Variants in ZBTB7C observed in about 807,000 individuals in gnomAD.
ZBTB7C encodes the protein zinc finger and BTB domain containing 7C, also known as zinc finger and BTB domain-containing protein 7C.
In ZBTB7C, 8 loss-of-function variants were observed where a neutral mutation model predicts 25.7. The ratio of observed to expected loss-of-function variants is 0.31; its 90% CI spans 0.18 to 0.56. ZBTB7C has a LOEUF of 0.56. Among genes scored for constraint, ZBTB7C ranks in the 20% least tolerant of loss-of-function variants. ZBTB7C has a pLI of 0.91. For missense variants in ZBTB7C, 824 were observed against 855.2 expected (o/e 0.96, Z 0.46); for synonymous variants, 394 against 369.0 (o/e 1.07, Z -0.78).
At chr18:48,263,550 C>A (rs190753262) in intron 2 of ZBTB7C, among the ~76,000 whole-genome samples, 2 of 152,064 alleles carry the variant, frequency 1.3e-5, no homozygotes, top group African/African-American at 4.8e-5. Flanking sequence ...TCTGGTGTCC[C>A]GAAAATGACC....
chr18:48,069,185 C>T (rs11664019), intron 3 of ZBTB7C, among the ~76,000 whole-genome samples: 84,629 of 151,974 alleles, frequency 0.56, 24,187 homozygotes, highest in Non-Finnish European at 0.61. Context: ...GCATACTGTC[C>T]CACAGTCACT....
At chr18:48,376,541 C>T (rs932584509) in intron 1 of ZBTB7C, among the ~76,000 whole-genome samples, 3 of 152,208 alleles carry the variant, frequency 2.0e-5, no homozygotes, top group African/African-American at 7.2e-5. Flanking sequence ...GTCACTCAGC[C>T]GGTGACATTC....
At chr18:48,183,012 T>C (rs560855084) in intron 3 of ZBTB7C, among the ~76,000 whole-genome samples, 1 of 152,324 alleles carries the variant, frequency 6.6e-6, no homozygotes, top group Admixed American at 6.5e-5. Context: ...AAAAATAATT[T>C]ATTATTTGCA....
At chr18:48,236,010 C>T (rs1237632250) in intron 2 of ZBTB7C, among the ~76,000 whole-genome samples, 1 of 152,108 alleles carries the variant, frequency 6.6e-6, no homozygotes, top group Non-Finnish European at 1.5e-5. Context: ...CTTTAAAGAT[C>T]ACCTCTTTCT....
At chr18:48,322,784 T>C (rs900578963) in intron 2 of ZBTB7C, among the ~76,000 whole-genome samples, 4 of 152,168 alleles carry the variant, frequency 2.6e-5, no homozygotes, top group Non-Finnish European at 5.9e-5. Context: ...TGCAAAAATG[T>C]GGAACCAACC....
intron 3 of ZBTB7C, 27 bp from the exon 4 acceptor site, chr18:48,041,150 T>A: frequency 6.4e-7 from 1 of 1,551,328 alleles, no homozygotes; most frequent in Non-Finnish European, 8.7e-7. Flanking sequence ...AGAAGAAGAC[T>A]GGGTTAGTGA....
At chr18:48,243,698 A>G (rs2043596105) in intron 2 of ZBTB7C, among the ~76,000 whole-genome samples, 1 of 152,240 alleles carries the variant, frequency 6.6e-6, no homozygotes, top group African/African-American at 2.4e-5. Context: ...TGGAACTAAA[A>G]AAGAGCTCAC....
intron 2 of ZBTB7C, among the ~76,000 whole-genome samples, chr18:48,299,637 C>T (rs533790908): frequency 6.6e-6 from 1 of 152,276 alleles, no homozygotes; most frequent in African/African-American, 2.4e-5. Context: ...GGACAAAAAC[C>T]AGTTCCCAGA....
chr18:48,154,874 C>A (rs1046193541), intron 3 of ZBTB7C, among the ~76,000 whole-genome samples: 12 of 152,186 alleles, frequency 7.9e-5, no homozygotes, highest in Admixed American at 7.9e-4. Context: ...ATGCTCAAGT[C>A]CTAGTCTCTT....
chr18:48,042,861 C>G (rs1308966601), intron 3 of ZBTB7C, among the ~76,000 whole-genome samples: 2 of 152,144 alleles, frequency 1.3e-5, no homozygotes, highest in Non-Finnish European at 2.9e-5. Context: ...GCACAGAGAA[C>G]AAATCAAGAA....
chr18:48,030,044 T>C, intron 4 of ZBTB7C, 133 bp from the exon 5 acceptor site: 1 of 1,170,470 alleles, frequency 8.5e-7, no homozygotes, highest in Admixed American at 2.3e-5. Flanking sequence ...ATAGGTCTCA[T>C]GCTAGATCTA....
chr18:48,292,090 T>C (rs28411885), intron 2 of ZBTB7C, among the ~76,000 whole-genome samples: 7,821 of 151,612 alleles, frequency 0.052, 269 homozygotes, highest in African/African-American at 0.07. Flanking sequence ...TCCTGCTACT[T>C]GGGAGGCTGA....
intron 3 of ZBTB7C, among the ~76,000 whole-genome samples, chr18:48,161,464 G>A (rs934036169): frequency 1.3e-5 from 2 of 152,068 alleles, no homozygotes; most frequent in Admixed American, 1.3e-4. Context: ...GCGTGGTGAG[G>A]GTAGAGGGTG....
intron 4 of ZBTB7C, among the ~76,000 whole-genome samples, chr18:48,034,538 C>T (rs561462108): frequency 3.2e-4 from 49 of 152,242 alleles, no homozygotes; most frequent in African/African-American, 1.1e-3. Flanking sequence ...TCCCAGCACT[C>T]CTCCCTGCAC....
intron 3 of ZBTB7C, among the ~76,000 whole-genome samples, chr18:48,122,079 G>A (rs1337195514): frequency 6.6e-6 from 1 of 152,172 alleles, no homozygotes; most frequent in Non-Finnish European, 1.5e-5. Flanking sequence ...AGCCAGCTGA[G>A]CTTGGAGCCA....
chr18:48,182,338 T>C (rs1322429954), intron 3 of ZBTB7C, among the ~76,000 whole-genome samples: 4 of 152,184 alleles, frequency 2.6e-5, no homozygotes, highest in Non-Finnish European at 5.9e-5. Flanking sequence ...AAAACATATC[T>C]GCCAGGCCTC....
chr18:48,338,912 G>GA (rs958189109), intron 1 of ZBTB7C, among the ~76,000 whole-genome samples: 1 of 49,996 alleles, frequency 2.0e-5, no homozygotes, highest in Non-Finnish European at 3.9e-5. Context: ...GTAGTTTGTT[G>GA]GGGGGGGGGG....
chr18:48,232,826 C>A (rs2043288655), intron 2 of ZBTB7C, among the ~76,000 whole-genome samples: 1 of 152,126 alleles, frequency 6.6e-6, no homozygotes, highest in Non-Finnish European at 1.5e-5. Context: ...AAGTTTTATC[C>A]CAGTACCCCA....
At chr18:48,379,095 C>T (rs956451116) in intron 1 of ZBTB7C, among the ~76,000 whole-genome samples, 13 of 152,180 alleles carry the variant, frequency 8.5e-5, no homozygotes, top group Non-Finnish European at 1.5e-5. Context: ...TCAATCATTA[C>T]AGTATCATTT....
Sources: gnomAD v4.1 joint callset for allele counts (sites outside exome capture counted in the v4.1 genomes callset) on GRCh38, gnomAD v4.1.1 for gene constraint, MANE v1.5 for transcripts, NCBI Gene and HGNC (gene_info 2026-07-23, HGNC 2026-07-21) for gene names.